The following AFF3 variants were observed in gnomAD, a reference collection of about 807,000 sequenced individuals.
AFF3 encodes AF4/FMR2 family member 3.
In AFF3, 32 loss-of-function variants were observed where a neutral mutation model predicts 129.7. The ratio of observed to expected loss-of-function variants is 0.25; its 90% CI spans 0.19 to 0.33. The LOEUF is 0.33. Among genes scored for constraint, AFF3 ranks in the 10% least tolerant of loss-of-function variants. AFF3 has a pLI of 1.00. For synonymous variants in AFF3, 644 were observed against 635.4 expected (o/e 1.01, Z -0.20); for missense variants, 1,373 against 1,592.0 (o/e 0.86, Z 2.34).
chr2:99,694,749 C>T (rs927075942), intron 11 of AFF3, among the ~76,000 whole-genome samples: 5 of 152,180 alleles, frequency 3.3e-5, no homozygotes, highest in Non-Finnish European at 1.5e-5. Context: ...CTCTGTCACT[C>T]AGGCTGGAGT....
intron 13 of AFF3, among the ~76,000 whole-genome samples, chr2:99,622,218 C>A (rs754635323): frequency 2.6e-5 from 4 of 152,134 alleles, no homozygotes; most frequent in Non-Finnish European, 5.9e-5. Flanking sequence ...CCAACCATGG[C>A]AACTCATTCT....
intron 13 of AFF3, among the ~76,000 whole-genome samples, chr2:99,618,372 A>T (rs1242750648): frequency 1.3e-5 from 2 of 151,046 alleles, no homozygotes; most frequent in Admixed American, 6.6e-5. Context: ...AGTAGCTGGG[A>T]TTACAGACAC....
At chr2:99,930,669 T>G (rs1696605521) in intron 7 of AFF3, among the ~76,000 whole-genome samples, 1 of 152,136 alleles carries the variant, frequency 6.6e-6, no homozygotes, top group Non-Finnish European at 1.5e-5. Context: ...AAAGCTTTGA[T>G]GAAGATTGGT....
intron 20 of AFF3, among the ~76,000 whole-genome samples, chr2:99,563,245 C>T (rs1675641039): frequency 6.6e-6 from 1 of 151,434 alleles, no homozygotes; most frequent in Non-Finnish European, 1.5e-5. Context: ...GGCTGGAGTG[C>T]AGTGGCGCGA....
intron 7 of AFF3, 102 bp downstream of exon 7, chr2:100,006,530 C>A: frequency 2.1e-6 from 3 of 1,410,550 alleles, no homozygotes; most frequent in Non-Finnish European, 2.8e-6. Flanking sequence ...TGAAGTTAAC[C>A]ACATCACTGA....
At chr2:99,877,336 C>G (rs867712372) in intron 7 of AFF3, among the ~76,000 whole-genome samples, 1 of 152,154 alleles carries the variant, frequency 6.6e-6, no homozygotes, top group Non-Finnish European at 1.5e-5. Flanking sequence ...CAGTTTGGGG[C>G]ATGCATTTGG....
At chr2:99,762,511 C>T (rs1240242935) in intron 8 of AFF3, among the ~76,000 whole-genome samples, 1 of 152,098 alleles carries the variant, frequency 6.6e-6, no homozygotes, top group Non-Finnish European at 1.5e-5. Flanking sequence ...TTTTAAAATC[C>T]CTACTAGATT....
chr2:99,873,728 G>GTTTTTT (rs112561437), intron 7 of AFF3, among the ~76,000 whole-genome samples: 2 of 138,824 alleles, frequency 1.4e-5, no homozygotes, highest in East Asian at 4.2e-4. Context: ...CATCTTAGTG[G>GTTTTTT]TTTTTTTTTT....
chr2:99,882,231 C>T (rs982330041), intron 7 of AFF3, among the ~76,000 whole-genome samples: 2 of 152,226 alleles, frequency 1.3e-5, no homozygotes, highest in African/African-American at 4.8e-5. Flanking sequence ...AGTAACTGCA[C>T]TGTTGAGGTT....
chr2:100,013,804 A>G (rs1190600868), intron 4 of AFF3, among the ~76,000 whole-genome samples: 1 of 152,236 alleles, frequency 6.6e-6, no homozygotes, highest in Non-Finnish European at 1.5e-5. Context: ...GCTCACACAC[A>G]AAGCAGACCT....
intron 7 of AFF3, among the ~76,000 whole-genome samples, chr2:99,878,110 A>G (rs539843965): frequency 6.6e-6 from 1 of 152,354 alleles, no homozygotes; most frequent in Admixed American, 6.5e-5. Flanking sequence ...TAGACATCCA[A>G]TAAAATGCAA....
intron 1 of AFF3, among the ~76,000 whole-genome samples, chr2:100,138,712 C>T (rs1251982734): frequency 6.6e-6 from 1 of 151,850 alleles, no homozygotes; most frequent in Non-Finnish European, 1.5e-5. Context: ...GGGAGGCCAA[C>T]GGGGGGCGCA....
chr2:99,705,791 T>C (rs1185996488), intron 11 of AFF3, among the ~76,000 whole-genome samples: 1 of 147,222 alleles, frequency 6.8e-6, no homozygotes, highest in East Asian at 2.0e-4. Flanking sequence ...GGAGGATCAC[T>C]TGAACCCAGG....
intron 7 of AFF3, among the ~76,000 whole-genome samples, chr2:99,876,822 C>T (rs1403534295): frequency 1.3e-5 from 2 of 152,128 alleles, no homozygotes; most frequent in African/African-American, 4.8e-5. Flanking sequence ...ACTTCTCCTA[C>T]CCCAAGTCCT....
rs975581693 is a variant in AFF3 at position 99,738,956 on chromosome 2, A to C, written c.1039+5148T>G. 2.0e-5 allele frequency among the ~76,000 whole-genome samples: 3 copies of C among 149,688 alleles called. No homozygotes were observed. In the South Asian group the frequency reaches 6.3e-4, roughly 32 times the overall value. On this transcript the variant is annotated intron_variant, in intron 10 of 24. Transcript: ENST00000672756. ...TATTTTTAAGGTCTGGTACTATCTTAGAATGTATTCTGTTTCTCTCTTTGG... is the reference window on the plus strand; with the variant it reads ...TATTTTTAAGGTCTGGTACTATCTTCGAATGTATTCTGTTTCTCTCTTTGG...
At chr2:99,979,840 T>C (rs981900989) in intron 7 of AFF3, among the ~76,000 whole-genome samples, 3 of 152,170 alleles carry the variant, frequency 2.0e-5, no homozygotes, top group African/African-American at 7.2e-5. Context: ...ACTATCTCTA[T>C]ATTCAAAATC....
At chr2:99,867,037 AC>A (rs1558929104) in intron 7 of AFF3, among the ~76,000 whole-genome samples, 1 of 150,258 alleles carries the variant, frequency 6.7e-6, no homozygotes, top group Non-Finnish European at 1.5e-5. Flanking sequence ...AATAAAAAAA[AC>A]AAGCACTGGC....
At chr2:99,953,473 T>C (rs1676351308) in intron 7 of AFF3, among the ~76,000 whole-genome samples, 1 of 152,214 alleles carries the variant, frequency 6.6e-6, no homozygotes, top group Non-Finnish European at 1.5e-5. Context: ...TGAAAATACC[T>C]AGAAGAAGAT....
At chr2:100,061,911 T>C (rs1364528327) in intron 4 of AFF3, among the ~76,000 whole-genome samples, 3 of 147,546 alleles carry the variant, frequency 2.0e-5, no homozygotes, top group Middle Eastern at 3.6e-3. Context: ...AAAGCAGAAA[T>C]GCACAGCACT....
Sources: allele counts gnomAD v4.1 joint callset (sites outside exome capture counted in the v4.1 genomes callset), GRCh38; gene constraint gnomAD v4.1.1; transcripts MANE v1.5; gene names NCBI Gene and HGNC (gene_info 2026-07-23, HGNC 2026-07-21).